Variants in LRBA observed in about 807,000 individuals in gnomAD.
LRBA encodes lipopolysaccharide-responsive and beige-like anchor protein.
A neutral mutation model predicts 330.0 loss-of-function variants in LRBA; 176 were observed. That is an observed-to-expected ratio of 0.53 (90% CI 0.47 to 0.60). The LOEUF is 0.60. Among genes scored for constraint, LRBA ranks in the 20% least tolerant of loss-of-function variants. The probability of loss-of-function intolerance (pLI) is 0.00; values close to 1 mark genes in which losing one functional copy is unlikely to be tolerated. For missense variants in LRBA, 3,259 were observed against 3,444.8 expected, an observed-to-expected ratio of 0.95 and a Z score of 1.35; for synonymous variants, 1,230 against 1,193.0, an observed-to-expected ratio of 1.03 and a Z score of -0.64.
chr4:150,360,755 TA>T (rs1738574494), intron 47 of LRBA, among the ~76,000 whole-genome samples: 1 of 152,240 alleles, frequency 6.6e-6, no homozygotes, highest in Admixed American at 6.5e-5. Flanking sequence ...GAAGAATGGC[TA>T]CACCTTAGGA....
intron 34 of LRBA, among the ~76,000 whole-genome samples, chr4:150,786,810 T>C (rs1739130536): frequency 6.6e-6 from 1 of 152,188 alleles, no homozygotes; most frequent in African/African-American, 2.4e-5. Context: ...TGTATTAAAC[T>C]TTTTCCCTAT....
At chr4:150,509,827 G>C (rs944692900) in intron 40 of LRBA, among the ~76,000 whole-genome samples, 2 of 152,082 alleles carry the variant, frequency 1.3e-5, no homozygotes, top group Non-Finnish European at 2.9e-5. Context: ...TTGATGCGAT[G>C]AACAGATCTC....
At chr4:150,790,191 T>C (rs1187972686) in intron 34 of LRBA, among the ~76,000 whole-genome samples, 2 of 152,198 alleles carry the variant, frequency 1.3e-5, no homozygotes, top group African/African-American at 2.4e-5. Flanking sequence ...GATCTAGTTA[T>C]ATAGTCAGCA....
intron 18 of LRBA, 114 bp from the exon 19 acceptor site, chr4:150,871,567 A>G (rs1315807307): frequency 6.5e-6 from 4 of 615,158 alleles, no homozygotes; most frequent in Non-Finnish European, 1.2e-5. Flanking sequence ...ACAATTCCCA[A>G]CTCAATTACT....
At chr4:150,520,446 C>T (rs1379301996) in intron 40 of LRBA, among the ~76,000 whole-genome samples, 1 of 151,844 alleles carries the variant, frequency 6.6e-6, no homozygotes, top group African/African-American at 2.4e-5. Context: ...GATATTTCAA[C>T]AAATTATTCC....
At chr4:150,327,274 G>T (rs1462264381) in intron 48 of LRBA, among the ~76,000 whole-genome samples, 1 of 152,034 alleles carries the variant, frequency 6.6e-6, no homozygotes, top group Non-Finnish European at 1.5e-5. Context: ...AAGAAAATTG[G>T]CTGGGTGTGC....
intron 40 of LRBA, chr4:150,584,459 T>C (rs1771835033): frequency 1.3e-5 from 1 of 74,966 alleles, no homozygotes; most frequent in Non-Finnish European, 4.8e-5. Flanking sequence ...CTATCCTTTT[T>C]CTCTCCACCC....
chr4:150,467,670 T>C lies in LRBA; in HGVS notation c.6780+3A>G, dbSNP rs757104000. ...ATATTTCACATCATTACTGAGAAAT[T>C]ACCTTGGACAAATCTCTGAAGTTGG... On this transcript the variant is annotated splice_donor_region_variant and intron_variant, in intron 44 of 56. Transcript: ENST00000651943. 4 of 1,511,748 alleles carry C rather than the reference T, an allele frequency of 2.6e-6. No homozygotes were observed. In the African/African-American group the frequency reaches 5.5e-5, roughly 21 times the overall value. The allele number at this position is 1,511,748 out of a possible 1,614,324, so 93.6% of individuals were successfully genotyped here. A position where few individuals can be genotyped will look rare whatever the true frequency, so the allele number is the denominator to read the frequency against.
intron 44 of LRBA, 102 bp downstream of exon 44, chr4:150,467,571 A>G (rs1285803320): frequency 6.0e-6 from 4 of 664,092 alleles, no homozygotes; most frequent in African/African-American, 1.9e-5. Context: ...AGGTACGACT[A>G]TATTTGAAAA....
chr4:150,581,277 A>G lies in LRBA; in HGVS notation c.6330+6771T>C, dbSNP rs181459707. The G allele has an allele frequency of 1.2e-3, 523 of 426,640 alleles. 3 individuals carry two copies. Among genetic ancestry groups the G allele is most frequent in the African/African-American group, 9.4e-3 (461 of 49,120 alleles). 26.4% of individuals were successfully genotyped at this position (426,640 alleles called of 1,614,324 possible). On this transcript the variant is annotated intron_variant, in intron 40 of 56. Transcript: ENST00000651943. ...TTTTTGCCCTGCCCTGTTTTTAAAC[A>G]GCATATCGAAATTACTAAAAAGAGA...
intron 37 of LRBA, among the ~76,000 whole-genome samples, chr4:150,657,103 A>G (rs1464078408): frequency 6.6e-6 from 1 of 152,218 alleles, no homozygotes; most frequent in African/African-American, 2.4e-5. Flanking sequence ...AGAAGGGGGA[A>G]GTACAAGTGT....
chr4:150,813,808 T>C (rs765266986), intron 31 of LRBA, among the ~76,000 whole-genome samples: 2 of 152,156 alleles, frequency 1.3e-5, no homozygotes, highest in Non-Finnish European at 2.9e-5. Flanking sequence ...TTCTATCAAG[T>C]AAATTTTTTG....
rs373734811 is a variant in LRBA, at chr4:150,844,640, A to G, written c.4461+18T>C. Reference sequence around the variant, plus strand: ...ATAGGAGTATGCTTTTTGAAAATTAATTAATCTGTATACTTACCTTCGCTG... The same window carrying G: ...ATAGGAGTATGCTTTTTGAAAATTAGTTAATCTGTATACTTACCTTCGCTG... On this transcript the variant is annotated intron_variant, in intron 27 of 56. Coordinates refer to ENST00000651943, the MANE Select transcript of LRBA (RefSeq NM_001364905.1). 1.3e-5 allele frequency: 21 copies of G among 1,583,162 alleles called. No individual in the cohort carries two copies. The highest frequency in any genetic ancestry group is 1.6e-5 in the Non-Finnish European group (19 of 1,169,038).
At position 150,477,712 on chromosome 4, in the gene LRBA, G is replaced by C. The variant is rs543150176; in HGVS notation, c.6552-5973C>G. Among the ~76,000 whole-genome samples the C allele has an allele frequency of 1.1e-4, 17 of 152,132 alleles. No homozygotes were observed. In the East Asian group the frequency reaches 2.5e-3, roughly 23 times the overall value. On this transcript the variant is annotated intron_variant, in intron 42 of 56. Coordinates refer to ENST00000651943, the MANE Select transcript of LRBA (RefSeq NM_001364905.1). ...TTTCCCCCTTGCTGTTCTCATGACA[G>C]TGAGTGAGTTTTCACAAGATCTGGT...
chr4:150,639,904 T>G (rs1447582461), intron 37 of LRBA, among the ~76,000 whole-genome samples: 1 of 133,024 alleles, frequency 7.5e-6, no homozygotes, highest in African/African-American at 2.9e-5. Context: ...CTGCCCAGGC[T>G]GGAGTGTAAT....
At chr4:150,990,337 A>G (rs1741932783) in intron 2 of LRBA, among the ~76,000 whole-genome samples, 2 of 152,224 alleles carry the variant, frequency 1.3e-5, no homozygotes, top group South Asian at 4.1e-4. Context: ...GGTAGTCTAT[A>G]TTTATCATCC....
chr4:150,349,857 A>T (rs1009711665), intron 48 of LRBA, 135 bp downstream of exon 48: 11 of 689,396 alleles, frequency 1.6e-5, no homozygotes, highest in Admixed American at 1.3e-4. Context: ...CTGATAAATT[A>T]TTCTGCTTAA....
intron 37 of LRBA, among the ~76,000 whole-genome samples, chr4:150,643,570 G>A (rs930050363): frequency 1.3e-5 from 2 of 151,928 alleles, no homozygotes; most frequent in African/African-American, 2.4e-5. Flanking sequence ...TAATACAGGA[G>A]CATGGTATGT....
At chr4:150,809,896 ATACGATACG>A (rs1743425918) in intron 31 of LRBA, among the ~76,000 whole-genome samples, 1 of 150,150 alleles carries the variant, frequency 6.7e-6, no homozygotes, top group African/African-American at 2.5e-5. Flanking sequence ...ATACGATACG[ATACGATACG>A]ATACGATACG....
Sources: gnomAD v4.1 joint callset for allele counts (sites outside exome capture counted in the v4.1 genomes callset) on GRCh38, gnomAD v4.1.1 for gene constraint, MANE v1.5 for transcripts, NCBI Gene and HGNC (gene_info 2026-07-23, HGNC 2026-07-21) for gene names.